Variants in ANG observed in about 807,000 individuals in gnomAD.
The protein encoded by ANG is Homo sapiens epididymis luminal protein 168.
For missense variants in ANG, 178 were observed against 187.4 expected, an observed-to-expected ratio of 0.95 and a Z score of 0.29; for synonymous variants, 74 against 73.8, an observed-to-expected ratio of 1.00 and a Z score of -0.02.
chr14:20,693,970 C>T lies in ANG; in HGVS notation c.406C>T (p.Pro136Ser), dbSNP rs768899582. The stretch of plus-strand genomic sequence containing the variant: ...TGTTGTTGCTTGTGAAAATGGCTTA[C>T]CTGTCCACTTGGATCAGTCAATTTT... ...NVVVACENGL[P>S]VHLDQSIFRR... The change falls in exon 2 of 2, where the codon CCT (proline) becomes TCT (serine). Residue 136 changes from proline to serine, a missense_variant. Physicochemically the swap from Pro to Ser is moderately conservative, Grantham distance 74 (BLOSUM62 -1). Transcript: ENST00000397990. The T allele has an allele frequency of 1.2e-6, 2 of 1,614,134 alleles. No homozygotes were observed. Among genetic ancestry groups the T allele is most frequent in the South Asian group, 1.1e-5 (1 of 91,074 alleles).
In ANG at chr14:20,693,485, C is replaced by G. The variant is rs1886912110; in HGVS notation, c.-18-62C>G. On this transcript the variant is annotated intron_variant, in intron 1 of 1. Transcript: ENST00000397990. Reference sequence around the variant, plus strand: ...CGTGTCAGAGAGCAAAGCTCCTGTCCTTTTGGCCTAATTTGGTGATGCTGT... The same window carrying G: ...CGTGTCAGAGAGCAAAGCTCCTGTCGTTTTGGCCTAATTTGGTGATGCTGT... 2.5e-6 allele frequency: 4 copies of G among 1,597,246 alleles called. No individual in the cohort carries two copies. In the East Asian group the frequency reaches 8.9e-5, roughly 36 times the overall value.
At chr14:20,688,010 A>T (rs1886503526), upstream of ANG, among the ~76,000 whole-genome samples, 2 of 152,174 alleles carry the variant, frequency 1.3e-5, no homozygotes, top group African/African-American at 4.8e-5. Flanking sequence ...GATCCTGGTG[A>T]CCTTTGGCCC....
intron 1 of ANG, among the ~76,000 whole-genome samples, chr14:20,690,085 G>A (rs901831343): frequency 2.0e-5 from 3 of 147,590 alleles, no homozygotes; most frequent in Admixed American, 1.3e-4. Flanking sequence ...CGCGGTGGCG[G>A]GCGCCTGTAG....
chr14:20,688,180 C>T (rs543038269), upstream of ANG, among the ~76,000 whole-genome samples: 69 of 152,238 alleles, frequency 4.5e-4, no homozygotes, highest in African/African-American at 1.6e-3. Flanking sequence ...ACATGGCAAG[C>T]CTGCTTCTGG....
chr14:20,692,900 T>G (rs1594208409), intron 1 of ANG, among the ~76,000 whole-genome samples: 1 of 152,244 alleles, frequency 6.6e-6, no homozygotes, highest in African/African-American at 2.4e-5. Flanking sequence ...AAGGCTGGAG[T>G]GCAGTGGCGC....
At chr14:20,692,646 C>T (rs34838025) in intron 1 of ANG, among the ~76,000 whole-genome samples, 4,079 of 152,288 alleles carry the variant, frequency 0.027, 80 homozygotes, top group Non-Finnish European at 0.044. Flanking sequence ...CAATTTCATC[C>T]TGAAACCATC....
At position 20,694,061 on chromosome 14, in the gene ANG, C is replaced by A; in HGVS notation, c.*53C>A. 6.3e-7 allele frequency: 1 copy of A among 1,599,800 alleles called. No homozygotes were observed. Among genetic ancestry groups the A allele is most frequent in the South Asian group, 1.1e-5 (1 of 90,604 alleles). Reference sequence around the variant, plus strand: ...TCTGCTGTCCTTGCCTTCCATTTCCCCTCTGCACCCAGAACAGTGGTGGCA... The same window carrying A: ...TCTGCTGTCCTTGCCTTCCATTTCCACTCTGCACCCAGAACAGTGGTGGCA... On this transcript the variant is annotated 3_prime_UTR_variant, in exon 2 of 2. Coordinates refer to ENST00000397990, the MANE Select transcript of ANG (RefSeq NM_001097577.3).
chr14:20,693,173 C>T, intron 1 of ANG, among the ~76,000 whole-genome samples: 1 of 152,196 alleles, frequency 6.6e-6, no homozygotes, highest in East Asian at 1.9e-4. Context: ...TAATGTGCCT[C>T]AGGACCTAGC....
intron 1 of ANG, among the ~76,000 whole-genome samples, chr14:20,691,024 C>A (rs1387131043): frequency 1.3e-5 from 2 of 152,334 alleles, no homozygotes; most frequent in East Asian, 3.9e-4. Flanking sequence ...GCACTTATAT[C>A]TAATGAGGTG....
At position 20,693,584 on chromosome 14, in the gene ANG, T is replaced by G. The variant is rs1051957135; in HGVS notation, c.20T>G (p.Val7Gly). 6.2e-7 allele frequency: 1 copy of G among 1,613,194 alleles called. No individual in the cohort carries two copies. The highest frequency in any genetic ancestry group is 8.5e-7 in the Non-Finnish European group (1 of 1,180,018). Reference sequence around the variant, plus strand: ...GAAGAGATGGTGATGGGCCTGGGCGTTTTGTTGTTGGTCTTCGTGCTGGGT... The same window carrying G: ...GAAGAGATGGTGATGGGCCTGGGCGGTTTGTTGTTGGTCTTCGTGCTGGGT... MVMGLG[V>G]LLLVFVLGLG... is the part of the protein sequence containing the mutation. Residue 7 changes from valine (V) to glycine (G), a missense_variant, in exon 2 of 2, where the codon GTT (valine) becomes GGT (glycine). Coordinates refer to ENST00000397990, the MANE Select transcript of ANG (RefSeq NM_001097577.3).
intron 1 of ANG, among the ~76,000 whole-genome samples, chr14:20,689,820 G>A (rs1886619203): frequency 6.6e-6 from 1 of 151,736 alleles, no homozygotes. Flanking sequence ...GGAGGCTGAG[G>A]CAGGAGAATT....
chr14:20,687,972 A>C (rs1886501610), upstream of ANG, among the ~76,000 whole-genome samples: 1 of 152,174 alleles, frequency 6.6e-6, no homozygotes, highest in South Asian at 2.1e-4. Context: ...CTGCTGTCTG[A>C]TATTGGAAAC....
At chr14:20,690,497 G>A (rs1432941654) in intron 1 of ANG, among the ~76,000 whole-genome samples, 1 of 152,094 alleles carries the variant, frequency 6.6e-6, no homozygotes, top group East Asian at 1.9e-4. Context: ...TATTGAGAAA[G>A]TTTTGAGTGA....
rs989416936 is a variant in ANG, at chr14:20,688,792, A to C, written c.-101A>C. ...GAGGCCTCCAGGTTCACACAACTGG[A>C]ACCCATCTCCAGGAACAAACAGCTG... is the stretch of plus-strand genomic sequence containing the variant. On this transcript the variant is annotated 5_prime_UTR_variant, in exon 1 of 2. Transcript: ENST00000397990. 2 of 985,256 alleles carry C rather than the reference A, an allele frequency of 2.0e-6. No homozygotes were observed. The highest frequency in any genetic ancestry group is 3.5e-5 in the African/African-American group (2 of 57,202). The allele number at this position is 985,256 out of a possible 1,614,324, so 61.0% of individuals were successfully genotyped here. A position where few individuals can be genotyped will look rare whatever the true frequency, so the allele number is the denominator to read the frequency against.
chr14:20,693,674 A>C lies in ANG; in HGVS notation c.110A>C (p.His37Pro). 1 of 1,614,200 alleles carries C rather than the reference A, an allele frequency of 6.2e-7. No homozygotes were observed. The highest frequency in any genetic ancestry group is 8.5e-7 in the Non-Finnish European group (1 of 1,180,050). Residue 37 changes from histidine to proline, a missense_variant, in exon 2 of 2, where the codon CAC (histidine) becomes CCC (proline). Coordinates refer to ENST00000397990, the MANE Select transcript of ANG (RefSeq NM_001097577.3). ...AGGTACACACACTTCCTGACCCAGC[A>C]CTATGATGCCAAACCACAGGGCCGG... ...NSRYTHFLTQ[H>P]YDAKPQGRDD...
intron 1 of ANG, among the ~76,000 whole-genome samples, chr14:20,692,090 T>C (rs561536491): frequency 7.2e-5 from 11 of 152,220 alleles, no homozygotes; most frequent in Admixed American, 3.3e-4. Context: ...AAGCACAAAA[T>C]AAAAAATTAA....
chr14:20,689,377 G>A (rs1254881886), intron 1 of ANG, among the ~76,000 whole-genome samples: 1 of 152,182 alleles, frequency 6.6e-6, no homozygotes, highest in Non-Finnish European at 1.5e-5. Flanking sequence ...AGCAATAAAG[G>A]GATGAATATG....
Position 20,688,860 on chromosome 14 carries a change from G to A in ANG, c.-33G>A, listed in dbSNP as rs1048726904. The A allele has an allele frequency of 2.0e-6, 2 of 985,286 alleles. No individual in the cohort carries two copies. Among genetic ancestry groups the A allele is most frequent in the Admixed American group, 1.2e-4 (2 of 16,274 alleles). The allele number at this position is 985,286 out of a possible 1,614,324, so 61.0% of individuals were successfully genotyped here. A position where few individuals can be genotyped will look rare whatever the true frequency, so the allele number is the denominator to read the frequency against. On this transcript the variant is annotated 5_prime_UTR_variant, in exon 1 of 2. Transcript: ENST00000397990. ...AAGGGAAACTGCCAGATTTTTGTAAGATTCTTCCTCCTGGGTAAACTATTG... is the reference window on the plus strand; with the variant it reads ...AAGGGAAACTGCCAGATTTTTGTAAAATTCTTCCTCCTGGGTAAACTATTG...
At chr14:20,684,300 C>T (rs1028021165), upstream of ANG, 1 of 152,250 alleles carries the variant, frequency 6.6e-6, no homozygotes. Flanking sequence ...GGCCGCCTGG[C>T]AATTGGGAGC....
Sources: gnomAD v4.1 joint callset for allele counts (sites outside exome capture counted in the v4.1 genomes callset) on GRCh38, gnomAD v4.1.1 for gene constraint, MANE v1.5 for transcripts, NCBI Gene and HGNC (gene_info 2026-07-23, HGNC 2026-07-21) for gene names.